SEL1L3: variants seen among roughly 807,000 people sequenced by gnomAD.
SEL1L3 encodes SEL1L family member 3, also known as protein sel-1 homolog 3.
Under a neutral mutation model 142.8 loss-of-function variants are expected in SEL1L3, and 76 were observed. The observed-to-expected ratio is 0.53, with a 90% CI of 0.44 to 0.64. The LOEUF is 0.64. Ranked by LOEUF, SEL1L3 falls within the 30% of genes least tolerant of loss-of-function variation. SEL1L3 has a pLI of 0.00. For synonymous variants in SEL1L3, 504 were observed against 519.6 expected (o/e 0.97, Z 0.41); for missense variants, 1,262 against 1,381.7 (o/e 0.91, Z 1.37).
chr4:25,785,753 G>A (rs915837240), intron 13 of SEL1L3, among the ~76,000 whole-genome samples: 3 of 152,160 alleles, frequency 2.0e-5, no homozygotes, highest in African/African-American at 7.2e-5. Flanking sequence ...TGGACTTCTG[G>A]AAAAGCATCA....
chr4:25,856,126 G>T (rs879758139), intron 1 of SEL1L3, among the ~76,000 whole-genome samples: 1 of 152,078 alleles, frequency 6.6e-6, no homozygotes, highest in Non-Finnish European at 1.5e-5. Context: ...ATTCTAGACC[G>T]TTTCCATTTC....
intron 17 of SEL1L3, among the ~76,000 whole-genome samples, chr4:25,770,888 G>A (rs935640563): frequency 1.3e-5 from 2 of 152,188 alleles, no homozygotes; most frequent in Non-Finnish European, 2.9e-5. Context: ...GCTCTAGGTG[G>A]GGGCTAGCCA....
chr4:25,759,170 T>G, intron 20 of SEL1L3, 102 bp from the exon 21 acceptor site: 1 of 1,320,394 alleles, frequency 7.6e-7, no homozygotes, highest in South Asian at 1.5e-5. Flanking sequence ...AAAATTTTTT[T>G]TAAGTCTCTA....
At chr4:25,741,397 G>A in the SEL1L3 span, among the ~76,000 whole-genome samples, 1 of 152,276 alleles carries the variant, frequency 6.6e-6, no homozygotes, top group African/African-American at 2.4e-5. Context: ...CACTGAGGCT[G>A]GCCATATTAC....
intron 1 of SEL1L3, among the ~76,000 whole-genome samples, chr4:25,861,038 C>G (rs1191016389): frequency 1.3e-5 from 2 of 152,216 alleles, no homozygotes; most frequent in Admixed American, 6.5e-5. Context: ...CAGAAGTAGT[C>G]CCCCTCCTTG....
At chr4:25,721,405 T>C in the SEL1L3 span, among the ~76,000 whole-genome samples, 1 of 151,964 alleles carries the variant, frequency 6.6e-6, no homozygotes, top group Non-Finnish European at 1.5e-5. Flanking sequence ...TGCGTTTGTT[T>C]TCATGTAATC....
At chr4:25,741,918 C>G in the SEL1L3 span, among the ~76,000 whole-genome samples, 13 of 152,030 alleles carry the variant, frequency 8.6e-5, no homozygotes, top group South Asian at 2.7e-3. Context: ...CAGTGAGTCT[C>G]CTGCCTCAGC....
chr4:25,809,304 G>T (rs1713853710), intron 9 of SEL1L3, among the ~76,000 whole-genome samples: 1 of 122,826 alleles, frequency 8.1e-6, no homozygotes. Flanking sequence ...ACCGTGCTTG[G>T]CTAATTTTTT....
chr4:25,730,342 T>C, the SEL1L3 span, among the ~76,000 whole-genome samples: 2 of 152,116 alleles, frequency 1.3e-5, no homozygotes, highest in African/African-American at 2.4e-5. Flanking sequence ...GAACTAACTT[T>C]TATTATTTTT....
chr4:25,833,584 G>A lies in SEL1L3; in HGVS notation c.861-15C>T, dbSNP rs1461880929. 2 of 1,590,550 alleles carry A rather than the reference G, an allele frequency of 1.3e-6. No individual in the cohort carries two copies. The highest frequency in any genetic ancestry group is 4.5e-5 in the East Asian group (2 of 44,380). ...AAACAGTAAACCTATAAGAGTGAGG[G>A]GGAAAAAAATTCTGCAGATTGATAT... On this transcript the variant is annotated splice_polypyrimidine_tract_variant and intron_variant, in intron 3 of 23. Coordinates refer to ENST00000399878, the MANE Select transcript of SEL1L3 (RefSeq NM_015187.5).
intron 15 of SEL1L3, among the ~76,000 whole-genome samples, chr4:25,781,311 CTGGG>C (rs538900862): frequency 5.3e-5 from 8 of 152,138 alleles, no homozygotes; most frequent in Non-Finnish European, 1.0e-4. Context: ...GTGCCTGGCA[CTGGG>C]TGGGTATTCA....
At chr4:25,744,929 G>C (rs1037866525), downstream of SEL1L3, among the ~76,000 whole-genome samples, 1 of 152,222 alleles carries the variant, frequency 6.6e-6, no homozygotes, top group Non-Finnish European at 1.5e-5. Flanking sequence ...CTCCAAAAGT[G>C]TGAGAAAATA....
At chr4:25,812,515 T>C (rs1714097338) in intron 9 of SEL1L3, among the ~76,000 whole-genome samples, 1 of 151,428 alleles carries the variant, frequency 6.6e-6, no homozygotes, top group Non-Finnish European at 1.5e-5. Flanking sequence ...AGGTCAGGAG[T>C]TTGAGACCAG....
chr4:25,761,719 G>A (rs1014211359), intron 20 of SEL1L3, among the ~76,000 whole-genome samples: 11 of 152,310 alleles, frequency 7.2e-5, no homozygotes, highest in African/African-American at 2.6e-4. Context: ...ATATGTAAAA[G>A]TGTCCATCAT....
chr4:25,747,152 T>C (rs1376334651), downstream of SEL1L3, among the ~76,000 whole-genome samples: 1 of 152,158 alleles, frequency 6.6e-6, no homozygotes, highest in East Asian at 1.9e-4. Flanking sequence ...ACTACAAGCT[T>C]AGCCTGGAAT....
At chr4:25,809,469 AG>A (rs1487860993) in intron 9 of SEL1L3, among the ~76,000 whole-genome samples, 3 of 152,218 alleles carry the variant, frequency 2.0e-5, no homozygotes, top group African/African-American at 7.2e-5. Context: ...TTTTAAATAG[AG>A]ACAGGGCTTC....
At chr4:25,772,128 T>G (rs1165724753) in intron 17 of SEL1L3, among the ~76,000 whole-genome samples, 1 of 152,310 alleles carries the variant, frequency 6.6e-6, no homozygotes, top group East Asian at 1.9e-4. Flanking sequence ...CGTTGGACGG[T>G]GAGGAGGCCA....
intron 9 of SEL1L3, among the ~76,000 whole-genome samples, chr4:25,811,355 C>G (rs970105237): frequency 6.6e-6 from 1 of 152,146 alleles, no homozygotes; most frequent in Non-Finnish European, 1.5e-5. Flanking sequence ...AGAAACAGAA[C>G]GATGTTTTAC....
intron 16 of SEL1L3, 147 bp downstream of exon 16, chr4:25,778,929 T>C (rs1308816490): frequency 3.2e-6 from 2 of 619,484 alleles, no homozygotes; most frequent in East Asian, 6.5e-5. Context: ...TTAAAAGTTT[T>C]AATTTTGTCT....
Sources: gnomAD v4.1 joint callset for allele counts (sites outside exome capture counted in the v4.1 genomes callset) on GRCh38, gnomAD v4.1.1 for gene constraint, MANE v1.5 for transcripts, NCBI Gene and HGNC (gene_info 2026-07-23, HGNC 2026-07-21) for gene names.